The following GRIN2A variants were observed in gnomAD, a reference collection of about 807,000 sequenced individuals.
GRIN2A encodes glutamate receptor ionotropic, NMDA 2A.
In GRIN2A, 22 loss-of-function variants were observed where a neutral mutation model predicts 113.4. The observed-to-expected ratio is 0.19, with a 90% CI of 0.14 to 0.28. The LOEUF (loss-of-function observed/expected upper bound fraction) is 0.28. GRIN2A is among the 10% of genes least tolerant of loss of function. The pLI is 1.00. For synonymous variants in GRIN2A, 827 were observed against 738.4 expected (o/e 1.12, Z -1.94); for missense variants, 1,502 against 1,887.0 (o/e 0.80, Z 3.78).
chr16:10,024,194 C>A (rs1346158107), intron 2 of GRIN2A, among the ~76,000 whole-genome samples: 1 of 152,082 alleles, frequency 6.6e-6, no homozygotes, highest in Non-Finnish European at 1.5e-5. Context: ...ACTAATGATG[C>A]ACAAGTGGTC....
intron 10 of GRIN2A, among the ~76,000 whole-genome samples, chr16:9,812,245 G>C (rs1224149091): frequency 6.6e-6 from 1 of 152,170 alleles, no homozygotes; most frequent in Non-Finnish European, 1.5e-5. Context: ...CCGTCATATA[G>C]GTTTGTCATG....
At chr16:9,892,222 AC>A (rs1469143658) in intron 3 of GRIN2A, among the ~76,000 whole-genome samples, 3 of 146,662 alleles carry the variant, frequency 2.0e-5, no homozygotes, top group Non-Finnish European at 4.5e-5. Flanking sequence ...CAAGTGTGAA[AC>A]CCTGTCTCAG....
chr16:9,756,113 G>A lies in GRIN2A; in HGVS notation c.*7036C>T. ...CAATATTTAGGAGGACTTTAATGGA[G>A]GGTCACATGGCTGTGTGTGTGTGTG... On this transcript the variant is annotated 3_prime_UTR_variant, in exon 13 of 13. Transcript: ENST00000330684. The A allele has an allele frequency of 4.4e-6, 1 of 227,448 alleles. No individual in the cohort carries two copies. Among genetic ancestry groups the A allele is most frequent in the Non-Finnish European group, 8.7e-6 (1 of 114,342 alleles). The allele number at this position is 227,448 out of a possible 1,614,324, so 14.1% of individuals were successfully genotyped here. A position where few individuals can be genotyped will look rare whatever the true frequency, so the allele number is the denominator to read the frequency against.
chr16:10,093,710 C>T (rs1011587074), intron 2 of GRIN2A, among the ~76,000 whole-genome samples: 3 of 152,168 alleles, frequency 2.0e-5, no homozygotes, highest in Non-Finnish European at 4.4e-5. Flanking sequence ...GTCACTGTCA[C>T]GTGATTCTGT....
intron 2 of GRIN2A, among the ~76,000 whole-genome samples, chr16:10,006,684 A>G (rs1372627215): frequency 6.6e-6 from 1 of 152,160 alleles, no homozygotes; most frequent in Non-Finnish European, 1.5e-5. Flanking sequence ...ATTGCTGACT[A>G]CAGTCACCCT....
intron 2 of GRIN2A, among the ~76,000 whole-genome samples, chr16:10,091,157 G>A (rs181498052): frequency 1.7e-3 from 266 of 152,256 alleles, no homozygotes; most frequent in African/African-American, 4.4e-3. Context: ...AACTTAAAAC[G>A]TAAAGTTACT....
intron 2 of GRIN2A, among the ~76,000 whole-genome samples, chr16:10,130,969 T>C (rs182936629): frequency 6.6e-6 from 1 of 152,100 alleles, no homozygotes; most frequent in Non-Finnish European, 1.5e-5. Flanking sequence ...GGCAGCAATA[T>C]AAAAACCAGT....
intron 6 of GRIN2A, 67 bp from the exon 7 acceptor site, chr16:9,840,867 T>C (rs1411029621): frequency 4.4e-6 from 7 of 1,596,470 alleles, no homozygotes; most frequent in Non-Finnish European, 6.0e-6. Flanking sequence ...TTACTTTTCC[T>C]GCTAACATTC....
chr16:9,953,365 G>C (rs1348248370), intron 2 of GRIN2A, among the ~76,000 whole-genome samples: 2 of 152,308 alleles, frequency 1.3e-5, no homozygotes, highest in South Asian at 4.2e-4. Flanking sequence ...CCTTGTACCT[G>C]ACATACAGTA....
rs979437318 is a variant in GRIN2A, at chr16:9,953,247, T to C, written c.415-14696A>G. Among the ~76,000 whole-genome samples, 3 of 151,868 alleles carry C rather than the reference T, an allele frequency of 2.0e-5. No individual in the cohort carries two copies. In the East Asian group the frequency reaches 5.8e-4, roughly 29 times the overall value. On this transcript the variant is annotated intron_variant, in intron 2 of 12. Transcript: ENST00000330684. ...CTCATGGATCGGATTGGCAGGGAGA[T>C]TGGGGAGTGAAAGAGGATTGCCAAG... is the stretch of plus-strand genomic sequence containing the variant.
Position 9,810,612 on chromosome 16 carries a change from C to T in GRIN2A, c.2168+11652G>A, listed in dbSNP as rs1161379751. 2.0e-5 allele frequency among the ~76,000 whole-genome samples: 3 copies of T among 152,100 alleles called. No homozygotes were observed. The East Asian group carries it at 5.8e-4, about 29-fold the overall frequency. The stretch of plus-strand genomic sequence containing the variant: ...GGAGGCAGAGATTGGAGAGATGCAG[C>T]CACAAGCCAAGAAACACCTGGAGGC... On this transcript the variant is annotated intron_variant, in intron 10 of 12. Coordinates refer to ENST00000330684, the MANE Select transcript of GRIN2A (RefSeq NM_001134407.3).
chr16:10,114,245 C>T (rs2048683700), intron 2 of GRIN2A, among the ~76,000 whole-genome samples: 1 of 152,154 alleles, frequency 6.6e-6, no homozygotes. Flanking sequence ...CATAAAACCA[C>T]ACAGTGAGAC....
At position 9,762,408 on chromosome 16, in the gene GRIN2A, G is replaced by T; in HGVS notation, c.*741C>A. ...ACAAGACCATCGAAGCCGAGGGTGA[G>T]AGAAACACACATCAACATCCAAAGA... On this transcript the variant is annotated 3_prime_UTR_variant, in exon 13 of 13. Transcript: ENST00000330684. 1 of 226,048 alleles carries T rather than the reference G, an allele frequency of 4.4e-6. No individual in the cohort carries two copies. The highest frequency in any genetic ancestry group is 8.8e-6 in the Non-Finnish European group (1 of 113,242). 14.0% of individuals were successfully genotyped at this position (226,048 alleles called of 1,614,324 possible). A position where few individuals can be genotyped will look rare whatever the true frequency, so the allele number is the denominator to read the frequency against.
At chr16:10,089,978 T>C (rs1567290824) in intron 2 of GRIN2A, among the ~76,000 whole-genome samples, 2 of 152,084 alleles carry the variant, frequency 1.3e-5, no homozygotes, top group South Asian at 4.2e-4. Flanking sequence ...GACATGGAAA[T>C]TTTCCCTAAT....
At chr16:10,044,508 A>G (rs188723149) in intron 2 of GRIN2A, among the ~76,000 whole-genome samples, 2 of 151,694 alleles carry the variant, frequency 1.3e-5, no homozygotes, top group African/African-American at 4.8e-5. Flanking sequence ...TAACTCCCAA[A>G]TTAAGTCATT....
chr16:10,029,954 A>G (rs4780765), intron 2 of GRIN2A, among the ~76,000 whole-genome samples: 146,122 of 152,142 alleles, frequency 0.96, 70,379 homozygotes, highest in East Asian at 1. Flanking sequence ...CTGAGATTGC[A>G]CTACTGCACT....
intron 10 of GRIN2A, among the ~76,000 whole-genome samples, chr16:9,801,857 A>T (rs1489965996): frequency 6.6e-6 from 1 of 152,280 alleles, no homozygotes; most frequent in East Asian, 1.9e-4. Context: ...GTCAGAACTG[A>T]AGTGATTACA....
At chr16:10,034,675 G>T (rs2046992997) in intron 2 of GRIN2A, among the ~76,000 whole-genome samples, 1 of 143,784 alleles carries the variant, frequency 7.0e-6, no homozygotes, top group Non-Finnish European at 1.5e-5. Context: ...GTCCCAGGTG[G>T]AAGAAAACTG....
At chr16:10,132,394 G>A (rs1334343746) in intron 2 of GRIN2A, among the ~76,000 whole-genome samples, 3 of 146,648 alleles carry the variant, frequency 2.0e-5, no homozygotes, top group Non-Finnish European at 4.5e-5. Context: ...AACTCAGCCA[G>A]TAATGGGTGG....
Sources: allele counts gnomAD v4.1 joint callset (sites outside exome capture counted in the v4.1 genomes callset), GRCh38; gene constraint gnomAD v4.1.1; transcripts MANE v1.5; gene names NCBI Gene and HGNC (gene_info 2026-07-23, HGNC 2026-07-21).